The following DLG2 variants were observed in gnomAD, a reference collection of about 807,000 sequenced individuals.
DLG2 encodes the protein discs large MAGUK scaffold protein 2, also known as disks large homolog 2.
DLG2 carries 45 observed loss-of-function variants against 132.5 expected under a neutral mutation model. That is an observed-to-expected ratio of 0.34 (90% CI 0.27 to 0.44). The LOEUF is 0.44. Among genes scored for constraint, DLG2 ranks in the 20% least tolerant of loss-of-function variants. DLG2 has a pLI of 1.00. For missense variants in DLG2, 1,045 were observed against 1,196.9 expected (o/e 0.87, Z 1.87); for synonymous variants, 424 against 419.6 (o/e 1.01, Z -0.13).
At chr11:84,083,891 G>C (rs1345023698) in intron 10 of DLG2, among the ~76,000 whole-genome samples, 1 of 151,908 alleles carries the variant, frequency 6.6e-6, no homozygotes, top group Non-Finnish European at 1.5e-5. Flanking sequence ...TATTTTTACT[G>C]TGCCTTAAAA....
At chr11:85,075,259 T>C (rs1186709262) in intron 6 of DLG2, among the ~76,000 whole-genome samples, 2 of 151,912 alleles carry the variant, frequency 1.3e-5, no homozygotes, top group African/African-American at 4.8e-5. Context: ...TTTGGCAATA[T>C]CTCTTAAAAT....
At chr11:84,527,297 C>T (rs17734890) in intron 7 of DLG2, among the ~76,000 whole-genome samples, 8,356 of 152,182 alleles carry the variant, frequency 0.055, 276 homozygotes, top group South Asian at 0.096. Flanking sequence ...GTACTTTTGG[C>T]TAAAACATAC....
At chr11:85,389,469 G>C (rs1378330316) in intron 3 of DLG2, among the ~76,000 whole-genome samples, 1 of 152,160 alleles carries the variant, frequency 6.6e-6, no homozygotes, top group Non-Finnish European at 1.5e-5. Context: ...CCCTGGTCAT[G>C]CTAGAGATCT....
chr11:85,389,170 A>C (rs889256309), intron 3 of DLG2, among the ~76,000 whole-genome samples: 4 of 152,144 alleles, frequency 2.6e-5, no homozygotes, highest in African/African-American at 9.6e-5. Flanking sequence ...AACAATCGCA[A>C]CTTCTGAAAA....
chr11:84,209,831 GA>G (rs989856713), intron 8 of DLG2, among the ~76,000 whole-genome samples: 1 of 152,160 alleles, frequency 6.6e-6, no homozygotes, highest in African/African-American at 2.4e-5. Flanking sequence ...GGATACAGAG[GA>G]ACTGGCTCCC....
rs75526771 is a variant in DLG2 at position 84,959,741 on chromosome 11, T to C, written c.357+151920A>G. ...TAATTGCGACTATAATGTTAATTAGTCACAAAGGATCACAGAAAAGGTGAA... is the reference window on the plus strand; with the variant it reads ...TAATTGCGACTATAATGTTAATTAGCCACAAAGGATCACAGAAAAGGTGAA... On this transcript the variant is annotated intron_variant, in intron 6 of 27. Transcript: ENST00000376104. Among the ~76,000 whole-genome samples the C allele has an allele frequency of 4.6e-3, 700 of 152,308 alleles. 6 individuals carry two copies. Among genetic ancestry groups the C allele is most frequent in the African/African-American group, 0.016 (654 of 41,560 alleles).
chr11:84,161,195 AC>A (rs561566418), intron 9 of DLG2, among the ~76,000 whole-genome samples: 215 of 152,238 alleles, frequency 1.4e-3, no homozygotes, highest in African/African-American at 4.9e-3. Context: ...CTGGATGAGC[AC>A]AAAAAGCTAG....
chr11:83,717,641 A>AG (rs1491583597), intron 18 of DLG2, among the ~76,000 whole-genome samples: 2 of 152,202 alleles, frequency 1.3e-5, no homozygotes, highest in African/African-American at 2.4e-5. Context: ...GTAAAAACAC[A>AG]GGGGGAAAAA....
intron 16 of DLG2, among the ~76,000 whole-genome samples, chr11:83,856,966 T>C (rs1481703175): frequency 6.6e-6 from 1 of 152,224 alleles, no homozygotes; most frequent in Non-Finnish European, 1.5e-5. Context: ...GGGTTTTACA[T>C]TTAAGTGTTT....
intron 4 of DLG2, among the ~76,000 whole-genome samples, chr11:85,182,820 A>G (rs919879654): frequency 6.6e-6 from 1 of 150,488 alleles, no homozygotes; most frequent in African/African-American, 2.4e-5. Flanking sequence ...GGCACAAAAG[A>G]CACTTGAAAC....
intron 3 of DLG2, among the ~76,000 whole-genome samples, chr11:85,492,911 A>G (rs1319702216): frequency 6.6e-6 from 1 of 152,162 alleles, no homozygotes; most frequent in Non-Finnish European, 1.5e-5. Context: ...GCCCTAAATT[A>G]AAAGTCACAA....
At chr11:84,569,734 C>T (rs146300364) in intron 6 of DLG2, among the ~76,000 whole-genome samples, 201 of 152,268 alleles carry the variant, frequency 1.3e-3, no homozygotes, top group Non-Finnish European at 2.2e-3. Flanking sequence ...TTGTTACTCA[C>T]GTGTCCTTTA....
At chr11:84,349,141 G>A (rs1194306668) in intron 7 of DLG2, among the ~76,000 whole-genome samples, 1 of 152,142 alleles carries the variant, frequency 6.6e-6, no homozygotes, top group Non-Finnish European at 1.5e-5. Flanking sequence ...AGTTGTTTTA[G>A]CCATTCCTCG....
At chr11:84,764,855 T>A (rs373698759) in intron 6 of DLG2, among the ~76,000 whole-genome samples, 75 of 152,154 alleles carry the variant, frequency 4.9e-4, no homozygotes, top group African/African-American at 1.6e-3. Flanking sequence ...TTGTTACTGG[T>A]AAGTAAAGAT....
intron 8 of DLG2, among the ~76,000 whole-genome samples, chr11:84,228,909 A>T (rs920877408): frequency 6.6e-6 from 1 of 152,186 alleles, no homozygotes; most frequent in Non-Finnish European, 1.5e-5. Context: ...AGTTTTAAAC[A>T]TTCTGGGCCT....
At chr11:85,250,014 T>C (rs1172772877) in intron 4 of DLG2, among the ~76,000 whole-genome samples, 1 of 152,192 alleles carries the variant, frequency 6.6e-6, no homozygotes, top group African/African-American at 2.4e-5. Flanking sequence ...AGAGATTTCA[T>C]GCTAACAAAT....
At chr11:85,588,590 T>C (rs2079111644) in intron 3 of DLG2, among the ~76,000 whole-genome samples, 1 of 152,170 alleles carries the variant, frequency 6.6e-6, no homozygotes, top group East Asian at 1.9e-4. Flanking sequence ...TCCTGTATTG[T>C]TTTTTAAATT....
chr11:85,123,816 A>C (rs926220453), intron 5 of DLG2, among the ~76,000 whole-genome samples: 1 of 152,188 alleles, frequency 6.6e-6, no homozygotes, highest in Non-Finnish European at 1.5e-5. Flanking sequence ...CAGAGATATG[A>C]GGGGCAAAGG....
At chr11:84,995,888 C>A (rs678796) in intron 6 of DLG2, among the ~76,000 whole-genome samples, 2 of 151,938 alleles carry the variant, frequency 1.3e-5, no homozygotes, top group Admixed American at 1.3e-4. Flanking sequence ...CACAGAGATA[C>A]CTGCTTCATT....
Sources: allele counts gnomAD v4.1 joint callset (sites outside exome capture counted in the v4.1 genomes callset), GRCh38; gene constraint gnomAD v4.1.1; transcripts MANE v1.5; gene names NCBI Gene and HGNC (gene_info 2026-07-23, HGNC 2026-07-21).